The following HJURP variants were observed in gnomAD, a reference collection of about 807,000 sequenced individuals.
HJURP encodes the protein 14-3-3-associated AKT substrate.
HJURP carries 49 observed loss-of-function variants against 72.0 expected under a neutral mutation model. That is an observed-to-expected ratio of 0.68 (90% CI 0.54 to 0.86). The LOEUF (loss-of-function observed/expected upper bound fraction) is 0.86, where lower values mean the gene tolerates loss of function less well. Among genes scored for constraint, HJURP ranks in the 40% least tolerant of loss-of-function variants. HJURP has a pLI of 0.00. For synonymous variants in HJURP, 357 were observed against 347.1 expected, an observed-to-expected ratio of 1.03 and a Z score of -0.32; for missense variants, 908 against 936.3, an observed-to-expected ratio of 0.97 and a Z score of 0.39.
rs1020267704 is a variant in HJURP, at chr2:233,846,789, G to T, written c.402+608C>A. ...TCTGGCAGGCAACAGAGTGTGACAC[G>T]GGGGCCAGGAAAGATGCTGGAGCTG... On this transcript the variant is annotated intron_variant, in intron 5 of 8. Transcript: ENST00000411486. This position sits in a 1 kb window ranked among gnomAD's most constrained non-coding sequence, Gnocchi z 4.3. Among the ~76,000 whole-genome samples, 2 of 152,166 alleles carry T rather than the reference G, an allele frequency of 1.3e-5. No individual in the cohort carries two copies. The highest frequency in any genetic ancestry group is 2.9e-5 in the Non-Finnish European group (2 of 68,030).
chr2:233,844,491 A>T (rs988177487), intron 6 of HJURP, among the ~76,000 whole-genome samples: 4 of 152,214 alleles, frequency 2.6e-5, no homozygotes, highest in Non-Finnish European at 4.4e-5. Flanking sequence ...TGTGGTCTCC[A>T]GGATAGCTTC....
At chr2:233,837,724 G>A (rs766676928) in intron 8 of HJURP, 72 bp from the exon 9 acceptor site, 4 of 963,420 alleles carry the variant, frequency 4.2e-6, no homozygotes, top group Non-Finnish European at 6.5e-6. Context: ...CCACTAAAAG[G>A]TTAACTGTTT....
chr2:233,840,520 CG>C, intron 8 of HJURP, 88 bp downstream of exon 8: 2 of 1,324,196 alleles, frequency 1.5e-6, no homozygotes, highest in Non-Finnish European at 2.1e-6. Context: ...ATTCACTAAA[CG>C]TGGCGCAAAG....
Position 233,841,842 on chromosome 2 carries a change from G to A in HJURP, c.938C>T (p.Ala313Val), listed in dbSNP as rs773577140. The change falls in exon 8 of 9, where the codon GCC becomes GTC. Residue 313 changes from alanine to valine, a missense_variant. Coordinates refer to ENST00000411486, the MANE Select transcript of HJURP (RefSeq NM_018410.5). The part of the protein sequence containing the change: ...SRMNKTYCKG[A>V]RRSQRSSKEN... ...CTTGGAGCTCCTCTGAGAACGTCTG[G>A]CTCCTTTGCAATATGTTTTGTTCAT... 3.7e-6 allele frequency: 6 copies of A among 1,614,160 alleles called. No homozygotes were observed. The highest frequency in any genetic ancestry group is 5.1e-6 in the Non-Finnish European group (6 of 1,180,022).
chr2:233,847,936 G>T (rs1043254638), intron 4 of HJURP, among the ~76,000 whole-genome samples: 4 of 152,160 alleles, frequency 2.6e-5, no homozygotes, highest in Non-Finnish European at 5.9e-5. Flanking sequence ...TGCCATACTG[G>T]GCAGTACATC....
intron 3 of HJURP, among the ~76,000 whole-genome samples, chr2:233,850,574 G>C (rs531651399): frequency 6.6e-6 from 1 of 152,326 alleles, no homozygotes; most frequent in East Asian, 1.9e-4. Context: ...AAAACAGGGC[G>C]TGAGAAGGTG....
chr2:233,841,744 C>T lies in HJURP; in HGVS notation c.1036G>A (p.Val346Ile), dbSNP rs181283022. Residue 346 changes from valine to isoleucine, a missense_variant, in exon 8 of 9, where the codon GTT (valine) becomes ATT (isoleucine). By Grantham distance (29) the Val-to-Ile change is conservative (BLOSUM62 3). Coordinates refer to ENST00000411486, the MANE Select transcript of HJURP (RefSeq NM_018410.5). Reference sequence around the variant, plus strand: ...TTTAAACCTGTCTTACGGCAAGAAACATCTAATACGTTCTTGCAATCTCTT... The same window carrying T: ...TTTAAACCTGTCTTACGGCAAGAAATATCTAATACGTTCTTGCAATCTCTT... ...ALRDCKNVLD[V>I]SCRKTGLKLE... 2.0e-4 allele frequency: 317 copies of T among 1,614,170 alleles called. 2 individuals carry two copies. In the South Asian group the frequency reaches 3.1e-3, roughly 16 times the overall value.
intron 3 of HJURP, among the ~76,000 whole-genome samples, chr2:233,850,852 A>T (rs1326095128): frequency 6.6e-6 from 1 of 152,212 alleles, no homozygotes; most frequent in Non-Finnish European, 1.5e-5. Context: ...TACAAACAGA[A>T]CCCAGGCATT....
rs542169869 is a variant in HJURP at position 233,849,760 on chromosome 2, C to A, written c.337+3G>T. Reference sequence around the variant, plus strand: ...TCAGTTCTCTGACGAAGGCAACACTCACCGGCTCCCAGGACTGTGCGGTGC... The same window carrying A: ...TCAGTTCTCTGACGAAGGCAACACTAACCGGCTCCCAGGACTGTGCGGTGC... On this transcript the variant is annotated splice_donor_region_variant and intron_variant, in intron 4 of 8. Coordinates refer to ENST00000411486, the MANE Select transcript of HJURP (RefSeq NM_018410.5). 5.6e-5 allele frequency: 86 copies of A among 1,548,548 alleles called. No individual in the cohort carries two copies. The highest frequency in any genetic ancestry group is 7.3e-5 in the Non-Finnish European group (84 of 1,145,066).
At chr2:233,851,370 C>T (rs1266839385) in intron 3 of HJURP, among the ~76,000 whole-genome samples, 1 of 152,164 alleles carries the variant, frequency 6.6e-6, no homozygotes, top group African/African-American at 2.4e-5. Flanking sequence ...CTGCCACGTA[C>T]ACTCATTTAC....
At position 233,854,444 on chromosome 2, in the gene HJURP, C is replaced by T; in HGVS notation, c.57G>A (p.Leu19=). 1 of 1,612,382 alleles carries T rather than the reference C, an allele frequency of 6.2e-7. No homozygotes were observed. The highest frequency in any genetic ancestry group is 8.5e-7 in the Non-Finnish European group (1 of 1,179,492). The change falls in exon 1 of 9, where the codon CTG becomes CTA. Residue 19 remains leucine (L), a synonymous_variant. Transcript: ENST00000411486. The part of the protein sequence containing the change: ...EGEDVEDDQL[L]QKLRASRRRF... ...GGCGGCGACTGGCCCTGAGCTTCTGCAGCAGCTGGTCGTCTTCCACGTCCT... is the reference window on the plus strand; with the variant it reads ...GGCGGCGACTGGCCCTGAGCTTCTGTAGCAGCTGGTCGTCTTCCACGTCCT...
In HJURP at chr2:233,852,626, G is replaced by A. The variant is rs1705522507; in HGVS notation, c.185-6C>T. 6.3e-7 allele frequency: 1 copy of A among 1,595,656 alleles called. No homozygotes were observed. ...TCCACCCCAAATTCTCAATCCTGAA[G>A]AAAAGAAACAAAAATGACCATTTAC... On this transcript the variant is annotated splice_region_variant and splice_polypyrimidine_tract_variant and intron_variant, in intron 2 of 8. Transcript: ENST00000411486.
At chr2:233,842,348 T>C in intron 7 of HJURP, 143 bp from the exon 8 acceptor site, 1 of 643,072 alleles carries the variant, frequency 1.6e-6, no homozygotes, top group Non-Finnish European at 2.6e-6. Context: ...TGTGTAGGAG[T>C]AGACTCTTCT....
chr2:233,850,847 A>T (rs1705480014), intron 3 of HJURP, among the ~76,000 whole-genome samples: 1 of 152,242 alleles, frequency 6.6e-6, no homozygotes, highest in Non-Finnish European at 1.5e-5. Context: ...GTAGCTACAA[A>T]CAGAACCCAG....
chr2:233,837,597 A>G lies in HJURP; in HGVS notation c.2227T>C (p.Leu743=), dbSNP rs757274271. The change falls in exon 9 of 9, where the codon TTG becomes CTG. Residue 743 remains leucine, a synonymous_variant. Transcript: ENST00000411486. ...EEKSDFMLEK[L]ETKSV is the part of the protein sequence containing the mutation. ...CCTAGCTACACACTTTTAGTTTCCA[A>G]TTTTTCTAGCATGAAATCACTTTTC... 5.6e-6 allele frequency: 9 copies of G among 1,610,026 alleles called. No individual in the cohort carries two copies. In the Admixed American group the frequency reaches 1.0e-4, roughly 18 times the overall value.
chr2:233,847,482 T>A, intron 4 of HJURP, 21 bp from the exon 5 acceptor site: 1 of 1,608,200 alleles, frequency 6.2e-7, no homozygotes, highest in Non-Finnish European at 8.5e-7. Context: ...AACAAGTAAA[T>A]CTCAATCAGG....
Position 233,841,545 on chromosome 2 carries a change from G to T in HJURP, c.1235C>A (p.Ser412Tyr). Reference protein sequence around the residue: ...NRFRTLKWLISPVKIVSRPTI... With the variant: ...NRFRTLKWLIYPVKIVSRPTI... The stretch of plus-strand genomic sequence containing the variant: ...TGGTCTGGAAACTATTTTTACAGGA[G>T]AAATTAACCATTTTAATGTCCTAAA... The change falls in exon 8 of 9, where the codon TCT becomes TAT. Residue 412 changes from serine to tyrosine, a missense_variant. This residue lies in a region of HJURP where 598 missense variants were observed against 619.5 expected (regional missense o/e 0.97). Coordinates refer to ENST00000411486, the MANE Select transcript of HJURP (RefSeq NM_018410.5). 3 of 1,614,030 alleles carry T rather than the reference G, an allele frequency of 1.9e-6. No individual in the cohort carries two copies. The highest frequency in any genetic ancestry group is 2.5e-6 in the Non-Finnish European group (3 of 1,179,872).
chr2:233,842,038 G>A lies in HJURP; in HGVS notation c.742C>T (p.Gln248Ter). 1 of 1,614,172 alleles carries A rather than the reference G, an allele frequency of 6.2e-7. No homozygotes were observed. Among genetic ancestry groups the A allele is most frequent in the Non-Finnish European group, 8.5e-7 (1 of 1,180,028 alleles). ...CAAATGTCATCATCTTCAAAGGGCT[G>A]GCTGCTTAAGAAGCTGCTGCTACTG... ...ETSSSSFLSS[Q>*]PFEDDDICNV... The change falls in exon 8 of 9, where the codon CAG becomes TAG. Residue 248 changes from glutamine to a stop codon, truncating the protein, a stop_gained. Transcript: ENST00000411486. LOFTEE classifies it high-confidence loss of function.
chr2:233,851,758 T>A (rs1251550628), intron 3 of HJURP, among the ~76,000 whole-genome samples: 1 of 152,240 alleles, frequency 6.6e-6, no homozygotes. Flanking sequence ...AGCTCATTTA[T>A]GTAGTTGTAT....
Sources: allele counts gnomAD v4.1 joint callset (sites outside exome capture counted in the v4.1 genomes callset), GRCh38; gene constraint gnomAD v4.1.1; regional missense constraint gnomAD v4.1.1; non-coding constraint Gnocchi (gnomAD v3.1); transcripts MANE v1.5; gene names NCBI Gene and HGNC (gene_info 2026-07-23, HGNC 2026-07-21).